PTPRD: variants seen among roughly 807,000 people sequenced by gnomAD.
The protein encoded by PTPRD is receptor-type tyrosine-protein phosphatase delta.
Under a neutral mutation model 214.5 loss-of-function variants are expected in PTPRD, and 34 were observed. The ratio of observed to expected loss-of-function variants is 0.16; its 90% CI spans 0.12 to 0.21. The LOEUF is 0.21. Among genes scored for constraint, PTPRD ranks in the 10% least tolerant of loss-of-function variants. The pLI, the probability that PTPRD is intolerant of heterozygous loss-of-function variation, is 1.00. For synonymous variants in PTPRD, 1,128 were observed against 845.7 expected (o/e 1.33, Z -5.79); for missense variants, 2,545 against 2,398.7 (o/e 1.06, Z -1.27).
chr9:10,008,726 G>C (rs2382104), intron 4 of PTPRD, among the ~76,000 whole-genome samples: 1 of 151,644 alleles, frequency 6.6e-6, no homozygotes, highest in Non-Finnish European at 1.5e-5. Context: ...CTGTAACCTG[G>C]TATTAGGAAT....
At chr9:10,569,525 C>G (rs999794738) in intron 2 of PTPRD, among the ~76,000 whole-genome samples, 1 of 151,788 alleles carries the variant, frequency 6.6e-6, no homozygotes, top group Non-Finnish European at 1.5e-5. Context: ...CTCTCTCTCT[C>G]TCTCTCTGTG....
intron 14 of PTPRD, among the ~76,000 whole-genome samples, chr9:8,556,025 A>C (rs1320256951): frequency 2.6e-5 from 4 of 152,188 alleles, no homozygotes; most frequent in Non-Finnish European, 5.9e-5. Context: ...GCGGATCTGG[A>C]AAGAGCATGC....
intron 4 of PTPRD, among the ~76,000 whole-genome samples, chr9:10,011,221 TAAC>T (rs2096593153): frequency 6.6e-6 from 1 of 151,946 alleles, no homozygotes; most frequent in African/African-American, 2.4e-5. Context: ...TCCAAGTTGT[TAAC>T]TTTTATTTCA....
At chr9:8,907,533 A>T (rs868079907) in intron 11 of PTPRD, among the ~76,000 whole-genome samples, 2,510 of 118,034 alleles carry the variant, frequency 0.021, 115 homozygotes, top group East Asian at 0.16. Context: ...AAAAAAAAAA[A>T]ATATATATAT....
chr9:9,291,097 A>C (rs927225433), intron 9 of PTPRD, among the ~76,000 whole-genome samples: 3 of 151,444 alleles, frequency 2.0e-5, no homozygotes, highest in African/African-American at 7.3e-5. Context: ...AAGAAACTTA[A>C]CAGGTAACAT....
intron 9 of PTPRD, among the ~76,000 whole-genome samples, chr9:9,324,935 T>G (rs953782783): frequency 6.6e-6 from 1 of 152,226 alleles, no homozygotes; most frequent in Non-Finnish European, 1.5e-5. Flanking sequence ...CCAGCACCAT[T>G]CATTAAATAG....
intron 3 of PTPRD, among the ~76,000 whole-genome samples, chr9:10,041,732 A>G (rs890043149): frequency 3.0e-4 from 46 of 152,048 alleles, no homozygotes; most frequent in African/African-American, 1.1e-3. Flanking sequence ...AATCATATAC[A>G]GAAAATGATT....
chr9:10,378,541 C>T (rs1379037102), intron 2 of PTPRD, among the ~76,000 whole-genome samples: 1 of 151,862 alleles, frequency 6.6e-6, no homozygotes, highest in Non-Finnish European at 1.5e-5. Context: ...ATGTGAATAC[C>T]CAGTTTTCCA....
At chr9:9,020,055 A>G (rs2030100554) in intron 10 of PTPRD, among the ~76,000 whole-genome samples, 1 of 152,130 alleles carries the variant, frequency 6.6e-6, no homozygotes, top group South Asian at 2.1e-4. Flanking sequence ...AGGAGAAGAG[A>G]AGAGGGAGGT....
rs184567186 is a variant in PTPRD at position 9,210,485 on chromosome 9, G to A, written c.-202-27122C>T. Among the ~76,000 whole-genome samples the A allele has an allele frequency of 3.7e-4, 56 of 152,042 alleles. No homozygotes were observed. The East Asian group carries it at 9.3e-3, about 25-fold the overall frequency. On this transcript the variant is annotated intron_variant, in intron 9 of 45. Coordinates refer to ENST00000381196, the MANE Select transcript of PTPRD (RefSeq NM_002839.4). The stretch of plus-strand genomic sequence containing the variant: ...TTAATGCCTACTCCTTTGTTTTCTT[G>A]TTTTCATCAAAAAACATAACTTTTG...
chr9:9,223,541 T>A (rs2099957511), intron 9 of PTPRD, among the ~76,000 whole-genome samples: 1 of 152,054 alleles, frequency 6.6e-6, no homozygotes. Flanking sequence ...AGGTATATTC[T>A]GATGAAACAG....
intron 3 of PTPRD, among the ~76,000 whole-genome samples, chr9:10,269,024 C>G (rs1476344759): frequency 6.6e-6 from 1 of 152,102 alleles, no homozygotes; most frequent in Admixed American, 6.6e-5. Context: ...GCCAAATATC[C>G]CCTGGGACAA....
chr9:9,923,704 G>A (rs977436492), intron 5 of PTPRD, among the ~76,000 whole-genome samples: 8 of 151,968 alleles, frequency 5.3e-5, no homozygotes, highest in East Asian at 1.9e-4. Flanking sequence ...TCAAGAAAAT[G>A]CTCAATCAGA....
At chr9:10,087,037 T>C (rs990220165) in intron 3 of PTPRD, among the ~76,000 whole-genome samples, 27 of 151,678 alleles carry the variant, frequency 1.8e-4, no homozygotes, top group Non-Finnish European at 3.4e-4. Flanking sequence ...ACTAATCTGC[T>C]ATAAGCCTTT....
chr9:9,024,508 C>T (rs995631436), intron 10 of PTPRD, among the ~76,000 whole-genome samples: 11 of 151,620 alleles, frequency 7.3e-5, no homozygotes, highest in African/African-American at 2.4e-4. Context: ...CCAAATTATA[C>T]TCCAAAAAGG....
chr9:8,965,491 C>T (rs928825375), intron 11 of PTPRD, among the ~76,000 whole-genome samples: 2 of 151,958 alleles, frequency 1.3e-5, no homozygotes, highest in Non-Finnish European at 2.9e-5. Flanking sequence ...TCTAGAAATA[C>T]TTATTTTATG....
chr9:8,695,530 C>CAGATACCAATTTATATT lies in PTPRD; in HGVS notation c.64+38249_64+38250insAATATAAATTGGTATCT, dbSNP rs1565347335. On this transcript the variant is annotated intron_variant, in intron 12 of 45. Transcript: ENST00000381196. ...TGTCTGTCAATAGTCTGTTTATATG[C>CAGATACCAATTTATATT]CCAGACACTATCAGATACCAATTTA... is the stretch of plus-strand genomic sequence containing the variant. Among the ~76,000 whole-genome samples the CAGATACCAATTTATATT allele has an allele frequency of 3.2e-3, 491 of 152,012 alleles. 2 individuals are homozygous for CAGATACCAATTTATATT. The highest frequency in any genetic ancestry group is 0.011 in the African/African-American group (466 of 41,458).
intron 8 of PTPRD, among the ~76,000 whole-genome samples, chr9:9,509,172 T>C (rs2096640115): frequency 6.6e-6 from 1 of 151,768 alleles, no homozygotes; most frequent in Non-Finnish European, 1.5e-5. Context: ...CCATTCTAAG[T>C]TGCTGGGTTG....
At chr9:9,121,022 T>C (rs768787447) in intron 10 of PTPRD, among the ~76,000 whole-genome samples, 16 of 152,292 alleles carry the variant, frequency 1.1e-4, no homozygotes, top group Non-Finnish European at 2.1e-4. Context: ...ATTATCTGCT[T>C]TTAGCGGTGA....
Sources: gnomAD v4.1 joint callset for allele counts (sites outside exome capture counted in the v4.1 genomes callset) on GRCh38, gnomAD v4.1.1 for gene constraint, MANE v1.5 for transcripts, NCBI Gene and HGNC (gene_info 2026-07-23, HGNC 2026-07-21) for gene names.